Variants in NOS1AP observed in about 807,000 individuals in gnomAD.
NOS1AP encodes carboxyl-terminal PDZ ligand of neuronal nitric oxide synthase protein.
Under a neutral mutation model 56.2 loss-of-function variants are expected in NOS1AP, and 21 were observed. The observed-to-expected ratio is 0.37, with a 90% CI of 0.26 to 0.54. NOS1AP has a LOEUF of 0.54. Ranked by LOEUF, NOS1AP falls within the 20% of genes least tolerant of loss-of-function variation. The pLI is 0.84. For missense variants in NOS1AP, 522 were observed against 657.8 expected (o/e 0.79, Z 2.26); for synonymous variants, 270 against 274.6 (o/e 0.98, Z 0.17).
In NOS1AP at chr1:162,369,676, T is replaced by C. The variant is rs1469983812; in HGVS notation, c.*2209T>C. ...AACTAGTTATCTGTGTTGCTGACTTTGGGACCCATCCAAGACTCCTGCCCT... is the reference window on the plus strand; with the variant it reads ...AACTAGTTATCTGTGTTGCTGACTTCGGGACCCATCCAAGACTCCTGCCCT... On this transcript the variant is annotated 3_prime_UTR_variant, in exon 10 of 10. Transcript: ENST00000361897. 6.6e-6 allele frequency: 1 copy of C among 152,292 alleles called. No homozygotes were observed. The highest frequency in any genetic ancestry group is 1.5e-5 in the Non-Finnish European group (1 of 68,072). The allele number at this position is 152,292 out of a possible 1,614,324, so 9.4% of individuals were successfully genotyped here. A position where few individuals can be genotyped will look rare whatever the true frequency, so the allele number is the denominator to read the frequency against.
chr1:162,233,333 G>T (rs1411953175), intron 2 of NOS1AP, among the ~76,000 whole-genome samples: 1 of 152,180 alleles, frequency 6.6e-6, no homozygotes, highest in East Asian at 1.9e-4. Context: ...GTGGCTGGCG[G>T]GGTAGTTGTA....
chr1:162,325,616 G>A (rs1232673889), intron 4 of NOS1AP, among the ~76,000 whole-genome samples: 1 of 152,100 alleles, frequency 6.6e-6, no homozygotes, highest in East Asian at 1.9e-4. Context: ...GGATTTCCCA[G>A]GACCATGCCT....
At chr1:162,360,101 A>C (rs1033039027) in intron 8 of NOS1AP, among the ~76,000 whole-genome samples, 1 of 140,358 alleles carries the variant, frequency 7.1e-6, no homozygotes, top group Non-Finnish European at 1.5e-5. Flanking sequence ...CAGTGTCCTG[A>C]TTTGGTCTAA....
chr1:162,306,300 G>T (rs748658511), intron 4 of NOS1AP, among the ~76,000 whole-genome samples: 5 of 152,166 alleles, frequency 3.3e-5, no homozygotes, highest in Non-Finnish European at 7.4e-5. Context: ...GCTGACTGTT[G>T]TTCAGCAGGG....
intron 2 of NOS1AP, among the ~76,000 whole-genome samples, chr1:162,202,158 G>T (rs903941046): frequency 1.3e-5 from 2 of 152,142 alleles, no homozygotes; most frequent in Admixed American, 6.5e-5. Context: ...TTTATGGAGA[G>T]AAATTATGTT....
At chr1:162,127,570 C>T (rs1274007660) in intron 1 of NOS1AP, among the ~76,000 whole-genome samples, 1 of 150,458 alleles carries the variant, frequency 6.6e-6, no homozygotes, top group African/African-American at 2.4e-5. Context: ...GTTCTGCAAA[C>T]TGTATAGGAA....
intron 4 of NOS1AP, among the ~76,000 whole-genome samples, chr1:162,303,956 TAAA>T (rs1351622670): frequency 6.7e-6 from 1 of 150,078 alleles, no homozygotes; most frequent in African/African-American, 2.4e-5. Flanking sequence ...GCAAAAGTTT[TAAA>T]TTCTGATGGA....
intron 4 of NOS1AP, among the ~76,000 whole-genome samples, chr1:162,304,631 T>A (rs1655761652): frequency 1.3e-5 from 2 of 152,158 alleles, no homozygotes; most frequent in Non-Finnish European, 2.9e-5. Flanking sequence ...GATAGTCTTG[T>A]GGATGTCTTT....
intron 2 of NOS1AP, among the ~76,000 whole-genome samples, chr1:162,276,260 G>A (rs1049117794): frequency 6.6e-6 from 1 of 152,144 alleles, no homozygotes; most frequent in South Asian, 2.1e-4. Flanking sequence ...CTTCACCCAA[G>A]TTCATTTGTT....
chr1:162,115,105 C>G (rs1386217622), intron 1 of NOS1AP, among the ~76,000 whole-genome samples: 1 of 152,142 alleles, frequency 6.6e-6, no homozygotes, highest in Non-Finnish European at 1.5e-5. Context: ...AAGCATTGTT[C>G]TAGGTACTGA....
chr1:162,165,846 T>G (rs749662025), intron 2 of NOS1AP, among the ~76,000 whole-genome samples: 5 of 152,228 alleles, frequency 3.3e-5, no homozygotes, highest in Non-Finnish European at 5.9e-5. Flanking sequence ...GACTTGTATA[T>G]TCTGTGTGAC....
chr1:162,265,474 C>A (rs1021300236), intron 2 of NOS1AP, among the ~76,000 whole-genome samples: 1 of 149,806 alleles, frequency 6.7e-6, no homozygotes, highest in Non-Finnish European at 1.5e-5. Context: ...TGAGAACATG[C>A]GGTGTTTGGT....
chr1:162,077,442 A>T (rs1450024739), intron 1 of NOS1AP, among the ~76,000 whole-genome samples: 1 of 152,150 alleles, frequency 6.6e-6, no homozygotes, highest in Non-Finnish European at 1.5e-5. Context: ...CCCATTTAAA[A>T]GTTGGATTGG....
At chr1:162,103,882 A>C (rs898401318) in intron 1 of NOS1AP, among the ~76,000 whole-genome samples, 2 of 152,144 alleles carry the variant, frequency 1.3e-5, no homozygotes, top group Non-Finnish European at 2.9e-5. Flanking sequence ...TGTGTCTTTT[A>C]ATTGGGGCAT....
chr1:162,105,823 C>T (rs1458990265), intron 1 of NOS1AP, among the ~76,000 whole-genome samples: 5 of 152,232 alleles, frequency 3.3e-5, no homozygotes, highest in African/African-American at 9.6e-5. Flanking sequence ...GGAACACCAT[C>T]CTGACTCAGG....
chr1:162,162,619 G>C (rs1027724396), intron 2 of NOS1AP, among the ~76,000 whole-genome samples: 2 of 152,178 alleles, frequency 1.3e-5, no homozygotes, highest in Non-Finnish European at 2.9e-5. Flanking sequence ...TATCATTTCA[G>C]TTACAAGGAC....
chr1:162,343,590 C>T (rs552098578), intron 5 of NOS1AP, among the ~76,000 whole-genome samples: 1 of 152,322 alleles, frequency 6.6e-6, no homozygotes, highest in Admixed American at 6.5e-5. Context: ...AGAATTGGGG[C>T]TAAGTCCATA....
chr1:162,289,962 C>A (rs1007414101), intron 3 of NOS1AP, among the ~76,000 whole-genome samples: 1 of 152,166 alleles, frequency 6.6e-6, no homozygotes, highest in Non-Finnish European at 1.5e-5. Flanking sequence ...GTGGTGGCTT[C>A]CCCATTGTGC....
At chr1:162,189,836 G>A (rs938110593) in intron 2 of NOS1AP, among the ~76,000 whole-genome samples, 2 of 152,212 alleles carry the variant, frequency 1.3e-5, no homozygotes, top group Admixed American at 1.3e-4. Context: ...GGTAATTTGA[G>A]TTAAAACCTG....
Sources: allele counts gnomAD v4.1 joint callset (sites outside exome capture counted in the v4.1 genomes callset), GRCh38; gene constraint gnomAD v4.1.1; transcripts MANE v1.5; gene names NCBI Gene and HGNC (gene_info 2026-07-23, HGNC 2026-07-21).